Variants in TRPC3 observed in about 807,000 individuals in gnomAD.
TRPC3 encodes the protein short transient receptor potential channel 3.
A neutral mutation model predicts 90.9 loss-of-function variants in TRPC3; 54 were observed. The ratio of observed to expected loss-of-function variants is 0.59; its 90% CI spans 0.48 to 0.75. The LOEUF is 0.75. Among genes scored for constraint, TRPC3 ranks in the 30% least tolerant of loss-of-function variants. The pLI, the probability that TRPC3 is intolerant of heterozygous loss-of-function variation, is 0.00. For missense variants in TRPC3, 918 were observed against 1,194.5 expected, an observed-to-expected ratio of 0.77 and a Z score of 3.41; for synonymous variants, 424 against 450.9, an observed-to-expected ratio of 0.94 and a Z score of 0.75.
chr4:121,914,615 C>T (rs1462472919), intron 4 of TRPC3, among the ~76,000 whole-genome samples, 165 bp downstream of exon 4: 1 of 152,210 alleles, frequency 6.6e-6, no homozygotes. Context: ...TTTTTCATCC[C>T]TTATTTGAAT....
rs1729844703 is a variant in TRPC3 at position 121,929,961 on chromosome 4, C to T, written c.987+2310G>A. On this transcript the variant is annotated intron_variant, in intron 2 of 11. Coordinates refer to ENST00000379645, the MANE Select transcript of TRPC3 (RefSeq NM_001130698.2). ...CATGGAATAGGGCAAATTAGGTTACCTGCTTGTCTCAGAAATGAGCTTCAC... is the reference window on the plus strand; with the variant it reads ...CATGGAATAGGGCAAATTAGGTTACTTGCTTGTCTCAGAAATGAGCTTCAC... 2.6e-5 allele frequency among the ~76,000 whole-genome samples: 4 copies of T among 152,008 alleles called. No individual in the cohort carries two copies. The South Asian group carries it at 8.3e-4, about 32-fold the overall frequency.
intron 10 of TRPC3, among the ~76,000 whole-genome samples, chr4:121,897,453 C>CAAAAAAAAAAAAA (rs70950860): frequency 4.1e-4 from 18 of 43,434 alleles, no homozygotes; most frequent in African/African-American, 4.5e-4. Flanking sequence ...ATCTCAACAG[C>CAAAAAAAAAAAAA]AAAAAAAAAA....
rs1286032759 is a variant in TRPC3 at position 121,933,181 on chromosome 4, C to G, written c.216-139G>C. The G allele has an allele frequency of 2.9e-6, 4 of 1,358,776 alleles. No individual in the cohort carries two copies. The East Asian group carries it at 8.2e-5, about 28-fold the overall frequency. The allele number at this position is 1,358,776 out of a possible 1,614,324, so 84.2% of individuals were successfully genotyped here. ...GGGTCGGCTCAGTTGCTAGCGATAC[C>G]GTTGCTAACTACTCGCCTGAAAGTG... On this transcript the variant is annotated intron_variant, in intron 1 of 11. Transcript: ENST00000379645.
At position 121,879,712 on chromosome 4, in the gene TRPC3, C is replaced by T. The variant is rs1306016011; in HGVS notation, c.*24G>A. On this transcript the variant is annotated 3_prime_UTR_variant, in exon 12 of 12. Transcript: ENST00000379645. Reference sequence around the variant, plus strand: ...TTATTGCCCACATTTGTGCTATAGTCAAAGCCAAATCCAGGTTGCTGCATC... The same window carrying T: ...TTATTGCCCACATTTGTGCTATAGTTAAAGCCAAATCCAGGTTGCTGCATC... 6.3e-7 allele frequency: 1 copy of T among 1,597,008 alleles called. No homozygotes were observed.
intron 10 of TRPC3, among the ~76,000 whole-genome samples, chr4:121,887,071 C>T (rs927810096): frequency 6.6e-6 from 1 of 152,132 alleles, no homozygotes; most frequent in Non-Finnish European, 1.5e-5. Context: ...GGCTGCAAGT[C>T]AGGAACAAAT....
intron 7 of TRPC3, among the ~76,000 whole-genome samples, chr4:121,905,252 G>A (rs1456387029): frequency 6.6e-6 from 1 of 151,980 alleles, no homozygotes; most frequent in African/African-American, 2.4e-5. Context: ...TTGTCTCTGG[G>A]AACTAAGGAT....
chr4:121,931,702 A>AT (rs1054428357), intron 2 of TRPC3, among the ~76,000 whole-genome samples: 6 of 152,246 alleles, frequency 3.9e-5, no homozygotes, highest in Non-Finnish European at 8.8e-5. Context: ...CTTTAATAGT[A>AT]TTTTTTATTG....
At chr4:121,930,543 C>T (rs748643494) in intron 2 of TRPC3, among the ~76,000 whole-genome samples, 17 of 152,024 alleles carry the variant, frequency 1.1e-4, no homozygotes, top group Admixed American at 4.6e-4. Context: ...ACTGAGCTGA[C>T]GACTCTGGGT....
At chr4:121,948,639 T>A (rs148566732) in intron 1 of TRPC3, among the ~76,000 whole-genome samples, 1 of 152,242 alleles carries the variant, frequency 6.6e-6, no homozygotes, top group East Asian at 1.9e-4. Flanking sequence ...CCTATACATA[T>A]CTATGTTCCA....
At chr4:121,949,800 A>C (rs888676987) in intron 1 of TRPC3, among the ~76,000 whole-genome samples, 1 of 152,242 alleles carries the variant, frequency 6.6e-6, no homozygotes, top group African/African-American at 2.4e-5. Context: ...ATGTTCTATT[A>C]GCAGTGAGAC....
chr4:121,899,053 T>C (rs1431455210), intron 10 of TRPC3, among the ~76,000 whole-genome samples: 2 of 152,162 alleles, frequency 1.3e-5, no homozygotes, highest in Non-Finnish European at 2.9e-5. Flanking sequence ...ATGATCGAAA[T>C]GATCAACGAG....
At position 121,932,252 on chromosome 4, in the gene TRPC3, G is replaced by A. The variant is rs201632499; in HGVS notation, c.987+19C>T. The A allele has an allele frequency of 1.9e-6, 3 of 1,608,824 alleles. No individual in the cohort carries two copies. The highest frequency in any genetic ancestry group is 2.6e-6 in the Non-Finnish European group (3 of 1,176,232). ...TTGGGTGAGCACACAGAGCAGCCGG[G>A]GTAGAGCGCAAAGCTTACCTTGAAC... On this transcript the variant is annotated intron_variant, in intron 2 of 11. Coordinates refer to ENST00000379645, the MANE Select transcript of TRPC3 (RefSeq NM_001130698.2). The surrounding 1 kb of genome is among the most constrained non-coding windows in gnomAD (Gnocchi z 7.7).
At chr4:121,931,265 A>G (rs1729907286) in intron 2 of TRPC3, among the ~76,000 whole-genome samples, 1 of 152,250 alleles carries the variant, frequency 6.6e-6, no homozygotes, top group Non-Finnish European at 1.5e-5. Flanking sequence ...ATCTGACACC[A>G]TAACACTAAA....
chr4:121,925,367 C>T (rs912973794), intron 2 of TRPC3, among the ~76,000 whole-genome samples, 161 bp from the exon 3 acceptor site: 1 of 152,112 alleles, frequency 6.6e-6, no homozygotes, highest in African/African-American at 2.4e-5. Flanking sequence ...TGGATTTGCA[C>T]CCACCCAACC....
chr4:121,903,847 TAA>T (rs1728788423), intron 8 of TRPC3, among the ~76,000 whole-genome samples: 1 of 152,080 alleles, frequency 6.6e-6, no homozygotes, highest in African/African-American at 2.4e-5. Context: ...CTGAAGGACA[TAA>T]GAAAACATAT....
In TRPC3 at chr4:121,914,964, T is replaced by G. The variant is rs1275706196; in HGVS notation, c.1177-20A>C. 6.3e-7 allele frequency: 1 copy of G among 1,576,262 alleles called. No individual in the cohort carries two copies. The highest frequency in any genetic ancestry group is 8.7e-7 in the Non-Finnish European group (1 of 1,152,048). On this transcript the variant is annotated intron_variant, in intron 3 of 11. Transcript: ENST00000379645. ...CACAAACTATTGGGAGAGAGAGAGT[T>G]TGAGAAGGGGAGAGAAAGGTAAGTT...
intron 7 of TRPC3, among the ~76,000 whole-genome samples, chr4:121,906,169 A>T (rs1728873088): frequency 6.6e-6 from 1 of 152,128 alleles, no homozygotes; most frequent in African/African-American, 2.4e-5. Flanking sequence ...TGCTTATTTT[A>T]AAAATAAGGA....
In TRPC3 at chr4:121,945,881, G is replaced by GA. The variant is rs889558886; in HGVS notation, c.215+5584dup. 5.9e-5 allele frequency among the ~76,000 whole-genome samples: 9 copies of GA among 151,838 alleles called. No individual in the cohort carries two copies. In the East Asian group the frequency reaches 7.7e-4, roughly 13 times the overall value. ...TCTCTTCTCCCCTGAGAAATATTAG[G>GA]AAAAAAACCCCTGGATCTCTGAAAT... is the stretch of plus-strand genomic sequence containing the variant. On this transcript the variant is annotated intron_variant, in intron 1 of 11. Transcript: ENST00000379645.
chr4:121,914,461 T>C (rs780857205), intron 4 of TRPC3, among the ~76,000 whole-genome samples: 1 of 152,250 alleles, frequency 6.6e-6, no homozygotes, highest in Non-Finnish European at 1.5e-5. Context: ...GTCGACACTC[T>C]ACTTATTAAG....
Sources: gnomAD v4.1 joint callset for allele counts (sites outside exome capture counted in the v4.1 genomes callset) on GRCh38, gnomAD v4.1.1 for gene constraint, Gnocchi (gnomAD v3.1) non-coding constraint, MANE v1.5 for transcripts, NCBI Gene and HGNC (gene_info 2026-07-23, HGNC 2026-07-21) for gene names.